The following FANCA variants were observed in gnomAD, a reference collection of about 807,000 sequenced individuals.
FANCA encodes the protein Fanconi anemia group A protein.
Under a neutral mutation model 194.3 loss-of-function variants are expected in FANCA, and 236 were observed. The ratio of observed to expected loss-of-function variants is 1.21; its 90% CI spans 1.09 to 1.35. The LOEUF is 1.35. Among genes scored for constraint, FANCA ranks in the 40% most tolerant of loss-of-function variants. FANCA has a pLI of 0.00. For missense variants in FANCA, 2,628 were observed against 1,813.9 expected (o/e 1.45, Z -8.15); for synonymous variants, 1,014 against 715.8 (o/e 1.42, Z -6.65).
At chr16:89,811,499 G>A (rs1279769836) in intron 3 of FANCA, among the ~76,000 whole-genome samples, 3 of 152,086 alleles carry the variant, frequency 2.0e-5, no homozygotes, top group Non-Finnish European at 2.9e-5. Flanking sequence ...ATAAAATTAG[G>A]CAGGGATTTC....
At position 89,740,338 on chromosome 16, in the gene FANCA, C is replaced by T. The variant is rs1425258018; in HGVS notation, c.3829-239G>A. 44 of 555,630 alleles carry T rather than the reference C, an allele frequency of 7.9e-5. No individual in the cohort carries two copies. In the Admixed American group the frequency reaches 1.1e-3, roughly 14 times the overall value. 34.4% of individuals were successfully genotyped at this position (555,630 alleles called of 1,614,324 possible). A position where few individuals can be genotyped will look rare whatever the true frequency, so the allele number is the denominator to read the frequency against. ...TGCTGCACCACGTCCTCAAATAAGA[C>T]ATTAAAAGAAAGGCCCACAGGCCGG... On this transcript the variant is annotated intron_variant, in intron 38 of 42. Coordinates refer to ENST00000389301, the MANE Select transcript of FANCA (RefSeq NM_000135.4).
At chr16:89,791,683 A>G in intron 13 of FANCA, 147 bp from the exon 14 acceptor site, 6 of 1,200,482 alleles carry the variant, frequency 5.0e-6, no homozygotes, top group Non-Finnish European at 5.9e-6. Flanking sequence ...CAATTACAGC[A>G]TGTCAAGTGC....
Position 89,747,255 on chromosome 16 carries a change from A to C in FANCA, c.3349-365T>G, listed in dbSNP as rs55881981. 4.9e-3 allele frequency among the ~76,000 whole-genome samples: 753 copies of C among 152,306 alleles called. 4 individuals are homozygous for C. Among genetic ancestry groups the C allele is most frequent in the African/African-American group, 0.017 (708 of 41,564 alleles). The stretch of plus-strand genomic sequence containing the variant: ...CAACCATCCTCTGGTCCCTTCACTA[A>C]CCAAGTGCTGTCTATGGTGTTTTCC... On this transcript the variant is annotated intron_variant, in intron 33 of 42. Coordinates refer to ENST00000389301, the MANE Select transcript of FANCA (RefSeq NM_000135.4).
chr16:89,784,741 C>A, intron 15 of FANCA, 113 bp downstream of exon 15: 1 of 832,340 alleles, frequency 1.2e-6, no homozygotes, highest in Non-Finnish European at 2.1e-6. Flanking sequence ...AAGGGCCTGG[C>A]TGAGAGGCTC....
chr16:89,767,034 C>T (rs1007680259), intron 27 of FANCA, 107 bp downstream of exon 27: 13 of 908,996 alleles, frequency 1.4e-5, no homozygotes, highest in Non-Finnish European at 2.2e-5. Context: ...CAGGAGCTGC[C>T]CCTGAGATGG....
chr16:89,737,706 G>A lies in FANCA; in HGVS notation c.*895C>T. ...CCCACTGCATGGTGAACCATGTGCA[G>A]AAATGTCTTCCCAGCTGTGATGGTT... On this transcript the variant is annotated 3_prime_UTR_variant, in exon 43 of 43. Transcript: ENST00000389301. The A allele has an allele frequency of 6.3e-7, 1 of 1,586,444 alleles. No homozygotes were observed.
chr16:89,786,013 C>CTCT (rs1197771890), intron 14 of FANCA, among the ~76,000 whole-genome samples: 1 of 98,588 alleles, frequency 1.0e-5, no homozygotes. Flanking sequence ...CCACTCCCAG[C>CTCT]TATTTTTTTT....
rs539461122 is a variant in FANCA at position 89,806,717 on chromosome 16, A to T, written c.597-1325T>A. ...AAGGCAGAAGAATTTCTCTTAGTAC[A>T]GAACAAAATGAAAAGTCTCCCGTGT... is the stretch of plus-strand genomic sequence containing the variant. On this transcript the variant is annotated intron_variant, in intron 6 of 42. Coordinates refer to ENST00000389301, the MANE Select transcript of FANCA (RefSeq NM_000135.4). 1.7e-3 allele frequency among the ~76,000 whole-genome samples: 258 copies of T among 152,348 alleles called. 1 individual carries two copies. Among genetic ancestry groups the T allele is most frequent in the Non-Finnish European group, 2.5e-3 (171 of 68,034 alleles).
At chr16:89,799,332 C>A (rs17226005) in intron 9 of FANCA, 100 bp from the exon 10 acceptor site, 5 of 1,356,794 alleles carry the variant, frequency 3.7e-6, no homozygotes, top group African/African-American at 1.4e-5. Context: ...CCACTTCAAC[C>A]CCCCAGAGGG....
Position 89,782,995 on chromosome 16 carries a change from G to C in FANCA, c.1566+12C>G. On this transcript the variant is annotated intron_variant, in intron 16 of 42. Coordinates refer to ENST00000389301, the MANE Select transcript of FANCA (RefSeq NM_000135.4). The stretch of plus-strand genomic sequence containing the variant: ...GACAGGTGTGAGGAGTGGGCATGGA[G>C]GGACAGCTTGCCTTGAGGTCGGCCA... The C allele has an allele frequency of 6.2e-7, 1 of 1,613,610 alleles. No homozygotes were observed.
intron 3 of FANCA, among the ~76,000 whole-genome samples, chr16:89,813,399 C>A (rs1388718676): frequency 1.5e-5 from 2 of 136,828 alleles, no homozygotes; most frequent in African/African-American, 2.8e-5. Context: ...CAGAGTGAGA[C>A]CCTGTCTGTT....
chr16:89,765,030 G>A lies in FANCA; in HGVS notation c.2638C>T (p.Arg880Ter), dbSNP rs762804216. 3 of 1,614,108 alleles carry A rather than the reference G, an allele frequency of 1.9e-6. No individual in the cohort carries two copies. Among genetic ancestry groups the A allele is most frequent in the Non-Finnish European group, 2.5e-6 (3 of 1,180,042 alleles). ...FLMFRLFSEA[R>*]QPLSEEDVAS... is the part of the protein sequence containing the mutation. Reference sequence around the variant, plus strand: ...ACGTCCTCCTCAGAAAGAGGCTGTCGGGCCTCTGAGAACAATCTGAACATG... The same window carrying A: ...ACGTCCTCCTCAGAAAGAGGCTGTCAGGCCTCTGAGAACAATCTGAACATG... The change falls in exon 28 of 43, where the codon CGA (arginine) becomes TGA (stop). Residue 880 changes from arginine (R) to a stop codon, truncating the protein, a stop_gained. Coordinates refer to ENST00000389301, the MANE Select transcript of FANCA (RefSeq NM_000135.4). LOFTEE classifies it high-confidence loss of function.
chr16:89,800,986 T>A (rs2040428798), intron 8 of FANCA, among the ~76,000 whole-genome samples: 2 of 137,432 alleles, frequency 1.5e-5, no homozygotes, highest in Non-Finnish European at 3.0e-5. Flanking sequence ...TGAACCAAGA[T>A]GGCACCACTG....
intron 1 of FANCA, 72 bp downstream of exon 1, chr16:89,816,465 G>A (rs1364390896): frequency 2.3e-6 from 3 of 1,332,302 alleles, no homozygotes; most frequent in Non-Finnish European, 3.0e-6. Context: ...CTGGCGGGAA[G>A]GGATCGGGGA....
intron 10 of FANCA, chr16:89,798,833 A>C: frequency 1.3e-6 from 2 of 1,489,852 alleles, no homozygotes; most frequent in Non-Finnish European, 8.9e-7. Flanking sequence ...TAGAGCCTGA[A>C]TCACACCCAG....
intron 20 of FANCA, 91 bp downstream of exon 20, chr16:89,778,710 C>T (rs2039600330): frequency 8.4e-6 from 10 of 1,190,666 alleles, no homozygotes; most frequent in Non-Finnish European, 1.2e-5. Flanking sequence ...CAATAGTGGT[C>T]TAACAAATTT....
chr16:89,778,432 C>T, intron 20 of FANCA: 1 of 328,788 alleles, frequency 3.0e-6, no homozygotes, highest in Non-Finnish European at 5.7e-6. Flanking sequence ...TGCAATTGCA[C>T]TCCAGCCTGG....
chr16:89,758,125 G>A (rs2038824698), intron 30 of FANCA, among the ~76,000 whole-genome samples: 1 of 152,274 alleles, frequency 6.6e-6, no homozygotes, highest in Admixed American at 6.5e-5. Flanking sequence ...CCGAAGTGCT[G>A]GGATTACAGG....
In FANCA at chr16:89,775,779, G is replaced by A. The variant is rs779385351; in HGVS notation, c.1863C>T (p.Tyr621=). Residue 621 remains tyrosine (Y), a synonymous_variant, in exon 21 of 43, where the codon TAC becomes TAT. Transcript: ENST00000389301. ...CTTCAGCAGCAGAGCAGGCCTGGCAGTAGGTGGAGTACAGAGATGGGGGGA... is the reference window on the plus strand; with the variant it reads ...CTTCAGCAGCAGAGCAGGCCTGGCAATAGGTGGAGTACAGAGATGGGGGGA... ...DKIPPSLYST[Y]CQACSAAEEK... is the part of the protein sequence containing the mutation. The A allele has an allele frequency of 6.2e-7, 1 of 1,612,954 alleles. No homozygotes were observed. Among genetic ancestry groups the A allele is most frequent in the Non-Finnish European group, 8.5e-7 (1 of 1,179,468 alleles).
Sources: gnomAD v4.1 joint callset for allele counts (sites outside exome capture counted in the v4.1 genomes callset) on GRCh38, gnomAD v4.1.1 for gene constraint, MANE v1.5 for transcripts, NCBI Gene and HGNC (gene_info 2026-07-23, HGNC 2026-07-21) for gene names.